Variants in AGFG1 observed in about 807,000 individuals in gnomAD.
The protein encoded by AGFG1 is ArfGAP with FG repeats 1.
In AGFG1, 10 loss-of-function variants were observed where a neutral mutation model predicts 60.6. That is an observed-to-expected ratio of 0.16 (90% CI 0.10 to 0.28). The LOEUF (loss-of-function observed/expected upper bound fraction) is 0.28, where lower values mean the gene tolerates loss of function less well. Ranked by LOEUF, AGFG1 falls within the 10% of genes least tolerant of loss-of-function variation. The probability of loss-of-function intolerance (pLI) is 1.00; values close to 1 mark genes in which losing one functional copy is unlikely to be tolerated. For synonymous variants in AGFG1, 247 were observed against 242.9 expected (o/e 1.02, Z -0.16); for missense variants, 537 against 676.5 (o/e 0.79, Z 2.29).
intron 1 of AGFG1, among the ~76,000 whole-genome samples, chr2:227,474,111 C>G (rs964870075): frequency 6.6e-6 from 1 of 152,138 alleles, no homozygotes; most frequent in Admixed American, 6.5e-5. Context: ...TACAGAATCA[C>G]AGAGCTAGGT....
intron 2 of AGFG1, among the ~76,000 whole-genome samples, chr2:227,493,705 G>T (rs1206754198): frequency 6.6e-6 from 1 of 152,204 alleles, no homozygotes; most frequent in African/African-American, 2.4e-5. Flanking sequence ...CACTGTGCTG[G>T]GTATTAGGGA....
intron 11 of AGFG1, among the ~76,000 whole-genome samples, chr2:227,553,185 TAGAA>T (rs565776403): frequency 6.2e-4 from 95 of 152,012 alleles, no homozygotes; most frequent in African/African-American, 2.2e-3. Context: ...TGAGACAAGT[TAGAA>T]TGAAAGAGCT....
intron 5 of AGFG1, among the ~76,000 whole-genome samples, chr2:227,527,121 T>A (rs1466704400): frequency 6.6e-6 from 1 of 152,192 alleles, no homozygotes; most frequent in Admixed American, 6.5e-5. Flanking sequence ...CATAATGTAG[T>A]GAAAAGAACC....
chr2:227,484,792 C>T (rs1273289731), intron 1 of AGFG1, among the ~76,000 whole-genome samples: 1 of 149,698 alleles, frequency 6.7e-6, no homozygotes, highest in African/African-American at 2.5e-5. Flanking sequence ...TAACCTCTGC[C>T]TCCTGGGTTC....
At chr2:227,525,470 A>G (rs181823115) in intron 5 of AGFG1, among the ~76,000 whole-genome samples, 225 of 152,366 alleles carry the variant, frequency 1.5e-3, no homozygotes, top group Middle Eastern at 6.8e-3. Flanking sequence ...ACATACGTAC[A>G]TATGTACATA....
chr2:227,531,901 A>G (rs1281581090), intron 6 of AGFG1, among the ~76,000 whole-genome samples: 3 of 152,204 alleles, frequency 2.0e-5, no homozygotes, highest in Non-Finnish European at 4.4e-5. Context: ...TAGATTAATG[A>G]TCACTTCAGT....
intron 1 of AGFG1, among the ~76,000 whole-genome samples, chr2:227,477,634 T>C (rs1690325181): frequency 6.6e-6 from 1 of 151,934 alleles, no homozygotes; most frequent in South Asian, 2.1e-4. Flanking sequence ...TGAGACGGAG[T>C]TTCACTCGTC....
intron 6 of AGFG1, 57 bp from the exon 7 acceptor site, chr2:227,533,492 T>C (rs1692220559): frequency 5.6e-6 from 8 of 1,418,244 alleles, no homozygotes; most frequent in Admixed American, 1.7e-5. Flanking sequence ...ATACAGTCTA[T>C]GAGAGGGTAC....
At chr2:227,545,173 C>G (rs1311288662) in intron 10 of AGFG1, among the ~76,000 whole-genome samples, 3 of 152,086 alleles carry the variant, frequency 2.0e-5, no homozygotes, top group Non-Finnish European at 4.4e-5. Flanking sequence ...ACTCTTTTTT[C>G]TCTAAACGTC....
At chr2:227,501,290 A>G (rs1459280279) in intron 2 of AGFG1, among the ~76,000 whole-genome samples, 1 of 152,210 alleles carries the variant, frequency 6.6e-6, no homozygotes, top group African/African-American at 2.4e-5. Flanking sequence ...CATGTTGGCC[A>G]GGATGGTCTT....
chr2:227,517,818 T>C (rs1384138153), intron 2 of AGFG1, among the ~76,000 whole-genome samples: 1 of 152,212 alleles, frequency 6.6e-6, no homozygotes, highest in African/African-American at 2.4e-5. Flanking sequence ...CGTGGACTTG[T>C]TTTTGATAAT....
intron 10 of AGFG1, among the ~76,000 whole-genome samples, chr2:227,539,983 G>A (rs982764148): frequency 1.8e-4 from 28 of 151,780 alleles, no homozygotes; most frequent in Admixed American, 4.6e-4. Flanking sequence ...TTACAGGTGC[G>A]TGCCACCATA....
chr2:227,524,753 G>A lies in AGFG1; in HGVS notation c.541-9G>A. On this transcript the variant is annotated splice_polypyrimidine_tract_variant and intron_variant, in intron 4 of 12. Transcript: ENST00000310078. ...TGGAATATCTTTATAGTTAATATGT[G>A]GTTTGTAGTCCCCAGTTGTAGGTCG... 2 of 1,613,778 alleles carry A rather than the reference G, an allele frequency of 1.2e-6. No homozygotes were observed. The highest frequency in any genetic ancestry group is 1.7e-6 in the Non-Finnish European group (2 of 1,179,758).
At chr2:227,546,401 TTGGC>T (rs1173701728) in intron 10 of AGFG1, among the ~76,000 whole-genome samples, 1 of 152,228 alleles carries the variant, frequency 6.6e-6, no homozygotes, top group East Asian at 1.9e-4. Flanking sequence ...ACAGCTTCTG[TTGGC>T]TAGGAAAGGG....
intron 2 of AGFG1, among the ~76,000 whole-genome samples, chr2:227,504,913 G>A (rs544481739): frequency 6.6e-6 from 1 of 152,140 alleles, no homozygotes; most frequent in South Asian, 2.1e-4. Flanking sequence ...GAAGTTGTTG[G>A]GTGTAGTGTT....
At chr2:227,531,776 G>A (rs1462429403) in intron 6 of AGFG1, among the ~76,000 whole-genome samples, 2 of 151,864 alleles carry the variant, frequency 1.3e-5, no homozygotes, top group Non-Finnish European at 2.9e-5. Context: ...ATTGATTTAG[G>A]CTGACATTAT....
chr2:227,494,776 A>G (rs934097192), intron 2 of AGFG1, among the ~76,000 whole-genome samples: 16 of 152,190 alleles, frequency 1.1e-4, no homozygotes, highest in Non-Finnish European at 2.1e-4. Context: ...TTGTAGTTGA[A>G]CATCCTATTG....
chr2:227,523,411 A>G (rs886133265), intron 3 of AGFG1, among the ~76,000 whole-genome samples: 1 of 152,180 alleles, frequency 6.6e-6, no homozygotes, highest in Non-Finnish European at 1.5e-5. Context: ...AGATAATTTT[A>G]AAAATTATAG....
intron 2 of AGFG1, among the ~76,000 whole-genome samples, chr2:227,518,062 A>G (rs1691707660): frequency 6.6e-6 from 1 of 152,200 alleles, no homozygotes. Context: ...TGCAGTATAT[A>G]CGTTTTGGTG....
Sources: allele counts gnomAD v4.1 joint callset (sites outside exome capture counted in the v4.1 genomes callset), GRCh38; gene constraint gnomAD v4.1.1; transcripts MANE v1.5; gene names NCBI Gene and HGNC (gene_info 2026-07-23, HGNC 2026-07-21).